Variants in AFF3 observed in about 807,000 individuals in gnomAD.
AFF3 encodes the protein ALF transcription elongation factor 3.
In AFF3, 32 loss-of-function variants were observed where a neutral mutation model predicts 129.7. The observed-to-expected ratio is 0.25, with a 90% CI of 0.19 to 0.33. The LOEUF (loss-of-function observed/expected upper bound fraction) is 0.33, where lower values mean the gene tolerates loss of function less well. AFF3 is among the 10% of genes least tolerant of loss of function. The probability of loss-of-function intolerance (pLI) is 1.00; values close to 1 mark genes in which losing one functional copy is unlikely to be tolerated. For synonymous variants in AFF3, 644 were observed against 635.4 expected (o/e 1.01, Z -0.20); for missense variants, 1,373 against 1,592.0 (o/e 0.86, Z 2.34).
At chr2:99,612,120 T>A (rs1448839513) in intron 13 of AFF3, among the ~76,000 whole-genome samples, 1 of 152,182 alleles carries the variant, frequency 6.6e-6, no homozygotes, top group African/African-American at 2.4e-5. Context: ...AGCCTTATTA[T>A]GTTTGTTTTA....
chr2:99,735,324 A>T (rs1680164033), intron 10 of AFF3, among the ~76,000 whole-genome samples: 1 of 151,060 alleles, frequency 6.6e-6, no homozygotes, highest in East Asian at 1.9e-4. Context: ...TCATTGAATA[A>T]ACTTTTGGCT....
intron 7 of AFF3, among the ~76,000 whole-genome samples, chr2:99,940,737 T>C (rs11896099): frequency 0.022 from 3,286 of 152,290 alleles, 122 homozygotes; most frequent in African/African-American, 0.076. Context: ...TTTATCCCTT[T>C]ACTTTCTTAA....
intron 7 of AFF3, among the ~76,000 whole-genome samples, chr2:99,851,578 A>G (rs1406149687): frequency 6.6e-6 from 1 of 152,214 alleles, no homozygotes; most frequent in Non-Finnish European, 1.5e-5. Flanking sequence ...ACATAAACCC[A>G]TAATACAAAG....
chr2:99,889,918 C>T (rs892353512), intron 7 of AFF3, among the ~76,000 whole-genome samples: 6 of 152,160 alleles, frequency 3.9e-5, no homozygotes, highest in Non-Finnish European at 5.9e-5. Flanking sequence ...CCTCAGCCTC[C>T]CAAAGTGTTG....
Position 99,953,219 on chromosome 2 carries a change from C to T in AFF3, c.873+53413G>A, listed in dbSNP as rs138104633. On this transcript the variant is annotated intron_variant, in intron 7 of 24. Transcript: ENST00000672756. ...GCAATTTGGGGATGGGGGACTGGGA[C>T]GGACATTCAGTGCCACCTGTGTCTC... Among the ~76,000 whole-genome samples the T allele has an allele frequency of 2.8e-3, 427 of 152,252 alleles. 1 individual carries two copies. The highest frequency in any genetic ancestry group is 9.7e-3 in the African/African-American group (405 of 41,540).
chr2:100,044,007 T>A (rs1685633724), intron 4 of AFF3, among the ~76,000 whole-genome samples: 1 of 152,194 alleles, frequency 6.6e-6, no homozygotes, highest in Admixed American at 6.5e-5. Context: ...CTTTTGTAAT[T>A]AGGCAGCTTG....
chr2:100,112,803 C>G (rs370261540), intron 2 of AFF3, among the ~76,000 whole-genome samples: 15 of 143,722 alleles, frequency 1.0e-4, no homozygotes, highest in African/African-American at 3.6e-4. Flanking sequence ...GCTACAGGCC[C>G]GAGGGCCTGC....
chr2:100,062,606 AGCATCTG>A (rs1164058098), intron 4 of AFF3, among the ~76,000 whole-genome samples: 1 of 152,132 alleles, frequency 6.6e-6, no homozygotes, highest in Non-Finnish European at 1.5e-5. Context: ...GTTACATGGC[AGCATCTG>A]GAAGGCAATG....
intron 7 of AFF3, among the ~76,000 whole-genome samples, chr2:99,862,345 C>T (rs113266721): frequency 0.012 from 1,823 of 152,188 alleles, 31 homozygotes; most frequent in African/African-American, 0.041. Flanking sequence ...AGATAATGTC[C>T]GGGGTGTTTT....
chr2:100,120,663 A>T (rs1484403775), intron 2 of AFF3, among the ~76,000 whole-genome samples: 4 of 152,006 alleles, frequency 2.6e-5, no homozygotes, highest in Non-Finnish European at 2.9e-5. Context: ...ACTCCACCTT[A>T]GCCATTTTTT....
At chr2:100,074,383 G>A (rs1688432522) in intron 4 of AFF3, among the ~76,000 whole-genome samples, 1 of 152,096 alleles carries the variant, frequency 6.6e-6, no homozygotes, top group African/African-American at 2.4e-5. Flanking sequence ...TTCCCTGCCT[G>A]CATGTCCAAC....
chr2:99,772,811 C>T lies in AFF3; in HGVS notation c.922-20510G>A, dbSNP rs1683596312. Among the ~76,000 whole-genome samples, 6 of 152,188 alleles carry T rather than the reference C, an allele frequency of 3.9e-5. No individual in the cohort carries two copies. In the South Asian group the frequency reaches 8.3e-4, roughly 21 times the overall value. ...GAACACAAAGAAGGGGCGACTGCAG[C>T]TAAGGGAAAGGCCGTCAATCCTGAC... On this transcript the variant is annotated intron_variant, in intron 8 of 24. Transcript: ENST00000672756.
intron 2 of AFF3, among the ~76,000 whole-genome samples, chr2:100,126,379 C>G (rs912984890): frequency 6.6e-6 from 1 of 152,170 alleles, no homozygotes; most frequent in Non-Finnish European, 1.5e-5. Context: ...GATATGGGCT[C>G]TATTCTGAAG....
chr2:99,993,054 G>A (rs1271591953), intron 7 of AFF3, among the ~76,000 whole-genome samples: 3 of 152,162 alleles, frequency 2.0e-5, no homozygotes, highest in Non-Finnish European at 4.4e-5. Flanking sequence ...TGGATCATGT[G>A]GATAAGACTA....
intron 4 of AFF3, among the ~76,000 whole-genome samples, chr2:100,061,915 C>T (rs941051418): frequency 1.3e-5 from 2 of 151,054 alleles, no homozygotes; most frequent in African/African-American, 4.9e-5. Flanking sequence ...CAGAAATGCA[C>T]AGCACTTGAT....
chr2:99,968,921 C>T (rs575053177), intron 7 of AFF3, among the ~76,000 whole-genome samples: 1 of 152,218 alleles, frequency 6.6e-6, no homozygotes, highest in South Asian at 2.1e-4. Context: ...TGTGCCACTG[C>T]AAAGAAAGAG....
Position 99,554,336 on chromosome 2 carries a change from G to C in AFF3, c.3534C>G (p.Ala1178=). The change falls in exon 24 of 25, where the codon GCC becomes GCG. Residue 1178 remains alanine, a synonymous_variant. Transcript: ENST00000672756. ...CTCGGTTTTCCTTGGCCAGGTTGTC[G>C]GCCATCTCCCAGTAGTCGTAGCTGT... ...ILHSYDYWEM[A]DNLAKENREF... 1 of 1,614,168 alleles carries C rather than the reference G, an allele frequency of 6.2e-7. No homozygotes were observed. Among genetic ancestry groups the C allele is most frequent in the Non-Finnish European group, 8.5e-7 (1 of 1,180,036 alleles).
intron 8 of AFF3, among the ~76,000 whole-genome samples, chr2:99,763,638 G>A (rs1481033946): frequency 2.0e-5 from 3 of 152,188 alleles, no homozygotes; most frequent in Non-Finnish European, 4.4e-5. Flanking sequence ...TGAAAAAAGT[G>A]CCTTTAAAAA....
intron 8 of AFF3, among the ~76,000 whole-genome samples, chr2:99,834,075 A>G (rs1688687758): frequency 6.6e-6 from 1 of 152,232 alleles, no homozygotes; most frequent in African/African-American, 2.4e-5. Flanking sequence ...CTCTGAATTT[A>G]AGTGCATAAA....
Sources: allele counts gnomAD v4.1 joint callset (sites outside exome capture counted in the v4.1 genomes callset), GRCh38; gene constraint gnomAD v4.1.1; transcripts MANE v1.5; gene names NCBI Gene and HGNC (gene_info 2026-07-23, HGNC 2026-07-21).